Variants in AHCY observed in about 807,000 individuals in gnomAD.
AHCY encodes the protein S-adenosyl-L-homocysteine hydrolase.
A neutral mutation model predicts 45.4 loss-of-function variants in AHCY; 24 were observed. The observed-to-expected ratio is 0.53, with a 90% CI of 0.38 to 0.74. AHCY has a LOEUF of 0.74. Among genes scored for constraint, AHCY ranks in the 30% least tolerant of loss-of-function variants. The pLI, the probability that AHCY is intolerant of heterozygous loss-of-function variation, is 0.00. For missense variants in AHCY, 449 were observed against 594.1 expected (o/e 0.76, Z 2.54); for synonymous variants, 245 against 235.1 (o/e 1.04, Z -0.39).
chr20:34,239,112 T>G, the AHCY span, among the ~76,000 whole-genome samples: 1 of 152,212 alleles, frequency 6.6e-6, no homozygotes. Flanking sequence ...ACTTGATATC[T>G]TTTCTGCTTT....
At chr20:34,241,525 A>G in the AHCY span, 3 of 985,430 alleles carry the variant, frequency 3.0e-6, no homozygotes, top group Non-Finnish European at 3.6e-6. Flanking sequence ...TGCTTTCAGG[A>G]GTGAAGCTGC....
upstream of AHCY, among the ~76,000 whole-genome samples, chr20:34,303,760 A>C (rs1601691163): frequency 6.6e-6 from 1 of 152,340 alleles, no homozygotes; most frequent in Non-Finnish European, 1.5e-5. Flanking sequence ...TTGGGAGGCC[A>C]AGGCGGGAGG....
chr20:34,267,364 C>T, the AHCY span, among the ~76,000 whole-genome samples: 1 of 148,750 alleles, frequency 6.7e-6, no homozygotes, highest in Non-Finnish European at 1.5e-5. Flanking sequence ...CCTAGAGCAG[C>T]AGCGTCCAAT....
the AHCY span, among the ~76,000 whole-genome samples, chr20:34,258,873 C>CTATATATATAGTATTATATATATAGTG: frequency 1.1e-4 from 11 of 99,700 alleles, no homozygotes; most frequent in Non-Finnish European, 1.7e-4. Context: ...ATATATAATA[C>CTATATATATAGTATTATATATATAGTG]TATATATATA....
At chr20:34,242,780 TC>T in the AHCY span, among the ~76,000 whole-genome samples, 1 of 152,250 alleles carries the variant, frequency 6.6e-6, no homozygotes, top group Non-Finnish European at 1.5e-5. Flanking sequence ...CTTCCCTCCT[TC>T]TGCTGTAAAG....
the AHCY span, among the ~76,000 whole-genome samples, chr20:34,266,545 C>T: frequency 1.3e-5 from 2 of 151,650 alleles, no homozygotes; most frequent in Non-Finnish European, 2.9e-5. Flanking sequence ...TGGTGGTGCA[C>T]GCCTGTAATC....
the AHCY span, among the ~76,000 whole-genome samples, chr20:34,268,466 T>C: frequency 2.0e-5 from 3 of 152,074 alleles, no homozygotes. Context: ...GCCTGTAATG[T>C]AAACCCAGCA....
chr20:34,289,034 C>T (rs1205344069), intron 8 of AHCY, among the ~76,000 whole-genome samples: 4 of 152,130 alleles, frequency 2.6e-5, no homozygotes, highest in Admixed American at 2.6e-4. Flanking sequence ...GATGGAGTCT[C>T]GCTCTGTTGC....
the AHCY span, chr20:34,246,235 T>C: frequency 6.6e-7 from 1 of 1,521,538 alleles, no homozygotes; most frequent in South Asian, 1.2e-5. Flanking sequence ...TTTGTTTTAT[T>C]TGGCCTCTTC....
chr20:34,267,459 CAAAAAAAAA>C, the AHCY span, among the ~76,000 whole-genome samples: 2 of 46,280 alleles, frequency 4.3e-5, no homozygotes, highest in South Asian at 9.6e-4. Context: ...AACTGGCTCT[CAAAAAAAAA>C]AAAAAAAAAA....
At chr20:34,262,692 C>T in the AHCY span, 64 of 871,496 alleles carry the variant, frequency 7.3e-5, no homozygotes, top group Admixed American at 1.2e-4. Context: ...GGCTTGAGTC[C>T]TACAGTGTGA....
chr20:34,282,058 C>A (rs1008168233), intron 9 of AHCY, among the ~76,000 whole-genome samples: 13 of 152,178 alleles, frequency 8.5e-5, no homozygotes, highest in South Asian at 4.1e-4. Context: ...TCTATAAATT[C>A]TTTGATACTC....
chr20:34,285,149 C>T (rs2036129362), intron 9 of AHCY, among the ~76,000 whole-genome samples: 1 of 152,160 alleles, frequency 6.6e-6, no homozygotes, highest in African/African-American at 2.4e-5. Context: ...GATTACACAG[C>T]CTGTAAGTGG....
the AHCY span, among the ~76,000 whole-genome samples, chr20:34,271,063 T>C: frequency 6.6e-6 from 1 of 152,118 alleles, no homozygotes; most frequent in African/African-American, 2.4e-5. Context: ...AGCCTCCAAC[T>C]CCCAGGCTCA....
chr20:34,269,155 C>G, the AHCY span: 1 of 1,539,340 alleles, frequency 6.5e-7, no homozygotes, highest in Non-Finnish European at 8.8e-7. Flanking sequence ...GCGTGCTCAG[C>G]CTCAACTGCT....
chr20:34,251,761 C>T, the AHCY span, among the ~76,000 whole-genome samples: 1 of 152,242 alleles, frequency 6.6e-6, no homozygotes, highest in East Asian at 1.9e-4. Context: ...TGGCAGAGCC[C>T]TCATGAATGA....
At chr20:34,275,008 T>C in the AHCY span, among the ~76,000 whole-genome samples, 1 of 152,034 alleles carries the variant, frequency 6.6e-6, no homozygotes, top group African/African-American at 2.4e-5. Context: ...CACTGCTGTA[T>C]GACCTTGGGC....
chr20:34,252,004 T>C, the AHCY span, among the ~76,000 whole-genome samples: 6 of 152,246 alleles, frequency 3.9e-5, no homozygotes, highest in Non-Finnish European at 4.4e-5. Flanking sequence ...ACAGGATTCA[T>C]AGAATTAAGG....
At chr20:34,282,318 C>A (rs925422865) in intron 9 of AHCY, among the ~76,000 whole-genome samples, 1 of 152,162 alleles carries the variant, frequency 6.6e-6, no homozygotes, top group Admixed American at 6.5e-5. Flanking sequence ...CTGTCAACAG[C>A]GATGTGAAGA....
Sources: allele counts gnomAD v4.1 joint callset (sites outside exome capture counted in the v4.1 genomes callset), GRCh38; gene constraint gnomAD v4.1.1; transcripts MANE v1.5; gene names NCBI Gene and HGNC (gene_info 2026-07-23, HGNC 2026-07-21).